The following RSRC1 variants were observed in gnomAD, a reference collection of about 807,000 sequenced individuals.
The protein encoded by RSRC1 is serine/Arginine-related protein 53.
Under a neutral mutation model 49.1 loss-of-function variants are expected in RSRC1, and 39 were observed. That is an observed-to-expected ratio of 0.79 (90% CI 0.61 to 1.04). The LOEUF is 1.04. Ranked by LOEUF, RSRC1 falls within the 50% of genes least tolerant of loss-of-function variation. The pLI is 0.00. For missense variants in RSRC1, 388 were observed against 402.4 expected (o/e 0.96, Z 0.31); for synonymous variants, 143 against 130.8 (o/e 1.09, Z -0.63).
intron 7 of RSRC1, among the ~76,000 whole-genome samples, chr3:158,528,389 A>C (rs1475997178): frequency 6.6e-6 from 1 of 151,936 alleles, no homozygotes; most frequent in East Asian, 1.9e-4. Flanking sequence ...TAGCGGGGAA[A>C]AATCTCCTGC....
intron 5 of RSRC1, among the ~76,000 whole-genome samples, chr3:158,326,116 A>G (rs1729118750): frequency 6.6e-6 from 1 of 152,152 alleles, no homozygotes; most frequent in African/African-American, 2.4e-5. Context: ...TTATCAGCTT[A>G]AGGAGATTTT....
chr3:158,419,875 T>C (rs1734946309), intron 6 of RSRC1, among the ~76,000 whole-genome samples: 2 of 151,434 alleles, frequency 1.3e-5, no homozygotes. Flanking sequence ...CACTTGATAT[T>C]AACACTCAGT....
chr3:158,488,554 A>G (rs1738928098), intron 7 of RSRC1, among the ~76,000 whole-genome samples: 1 of 152,226 alleles, frequency 6.6e-6, no homozygotes, highest in Non-Finnish European at 1.5e-5. Context: ...TTTAGACATT[A>G]AAGAAGAGCT....
At chr3:158,416,979 A>T (rs1028454942) in intron 6 of RSRC1, among the ~76,000 whole-genome samples, 1 of 152,018 alleles carries the variant, frequency 6.6e-6, no homozygotes, top group African/African-American at 2.4e-5. Flanking sequence ...TTGAATTCAT[A>T]TATATTTCTT....
intron 6 of RSRC1, among the ~76,000 whole-genome samples, chr3:158,381,252 C>CA (rs1291094422): frequency 6.6e-6 from 1 of 150,700 alleles, no homozygotes; most frequent in African/African-American, 2.5e-5. Context: ...CATAACTGCA[C>CA]AATTAACTGT....
chr3:158,414,104 T>C (rs1734614701), intron 6 of RSRC1, among the ~76,000 whole-genome samples: 1 of 152,194 alleles, frequency 6.6e-6, no homozygotes, highest in African/African-American at 2.4e-5. Context: ...TGCACATGTA[T>C]GTTCATGGCA....
chr3:158,267,860 A>ATTTTTTTT (rs368565806), intron 4 of RSRC1, among the ~76,000 whole-genome samples: 7 of 125,038 alleles, frequency 5.6e-5, no homozygotes, highest in East Asian at 2.4e-4. Flanking sequence ...TTCCATATCT[A>ATTTTTTTT]TTTTTTTTTT....
intron 5 of RSRC1, among the ~76,000 whole-genome samples, chr3:158,332,207 A>G (rs1729586396): frequency 6.6e-6 from 1 of 152,134 alleles, no homozygotes; most frequent in Non-Finnish European, 1.5e-5. Context: ...AGTTTCTGCC[A>G]ATACTTTTTA....
intron 5 of RSRC1, among the ~76,000 whole-genome samples, chr3:158,323,100 G>C (rs141452056): frequency 3.3e-5 from 5 of 152,000 alleles, no homozygotes; most frequent in South Asian, 4.1e-4. Flanking sequence ...ATTGGAACTT[G>C]TAGGTAATAT....
chr3:158,409,638 C>A (rs1734338976), intron 6 of RSRC1, among the ~76,000 whole-genome samples: 1 of 152,126 alleles, frequency 6.6e-6, no homozygotes, highest in Admixed American at 6.6e-5. Flanking sequence ...GACTGACTGG[C>A]ACATGGTAGG....
At chr3:158,400,097 C>T (rs1733824056) in intron 6 of RSRC1, among the ~76,000 whole-genome samples, 1 of 152,098 alleles carries the variant, frequency 6.6e-6, no homozygotes. Context: ...GAGTTACATA[C>T]AGTCATACCA....
chr3:158,476,212 G>A (rs1738361372), intron 7 of RSRC1, among the ~76,000 whole-genome samples: 1 of 152,128 alleles, frequency 6.6e-6, no homozygotes, highest in African/African-American at 2.4e-5. Context: ...TTTGAAGCTA[G>A]CAGAGCTTGA....
chr3:158,279,800 A>G (rs1412268615), intron 4 of RSRC1, among the ~76,000 whole-genome samples: 2 of 152,160 alleles, frequency 1.3e-5, no homozygotes, highest in African/African-American at 4.8e-5. Flanking sequence ...CCTAGATGTA[A>G]GTTGTGCTTA....
At chr3:158,249,581 T>G (rs1476537487) in intron 4 of RSRC1, among the ~76,000 whole-genome samples, 1 of 152,236 alleles carries the variant, frequency 6.6e-6, no homozygotes, top group Non-Finnish European at 1.5e-5. Flanking sequence ...TGAAAATTCA[T>G]GTATAAGTCT....
chr3:158,358,952 A>ACACAC (rs566364159), intron 6 of RSRC1, among the ~76,000 whole-genome samples: 1 of 147,030 alleles, frequency 6.8e-6, no homozygotes, highest in African/African-American at 2.5e-5. Flanking sequence ...ACACACACAC[A>ACACAC]ACTTATTAAT....
At chr3:158,156,524 C>T (rs1355004429) in intron 3 of RSRC1, among the ~76,000 whole-genome samples, 10 of 152,122 alleles carry the variant, frequency 6.6e-5, no homozygotes, top group Non-Finnish European at 1.5e-5. Context: ...AGCTCTTGGT[C>T]TTTTTTGGCT....
At chr3:158,395,652 G>T (rs1333665672) in intron 6 of RSRC1, among the ~76,000 whole-genome samples, 2 of 151,946 alleles carry the variant, frequency 1.3e-5, no homozygotes, top group African/African-American at 4.8e-5. Context: ...ACTCAGAATG[G>T]CTATTATTAC....
chr3:158,270,632 T>A (rs1379929559), intron 4 of RSRC1, among the ~76,000 whole-genome samples: 1 of 152,238 alleles, frequency 6.6e-6, no homozygotes, highest in Non-Finnish European at 1.5e-5. Context: ...TTAACATTAT[T>A]GTCATTTTAT....
intron 7 of RSRC1, among the ~76,000 whole-genome samples, chr3:158,517,184 T>C (rs1262114598): frequency 1.0e-5 from 1 of 95,524 alleles, no homozygotes; most frequent in Non-Finnish European, 2.1e-5. Context: ...ATTATCATTT[T>C]ACAATTAATT....
Sources: allele counts gnomAD v4.1 joint callset (sites outside exome capture counted in the v4.1 genomes callset), GRCh38; gene constraint gnomAD v4.1.1; transcripts MANE v1.5; gene names NCBI Gene and HGNC (gene_info 2026-07-23, HGNC 2026-07-21).